Variants in ANO3 observed in about 807,000 individuals in gnomAD.
ANO3 encodes anoctamin-3.
In ANO3, 99 loss-of-function variants were observed where a neutral mutation model predicts 144.8. That is an observed-to-expected ratio of 0.68 (90% CI 0.58 to 0.81). The LOEUF (loss-of-function observed/expected upper bound fraction) is 0.81, where lower values mean the gene tolerates loss of function less well. Among genes scored for constraint, ANO3 ranks in the 30% least tolerant of loss-of-function variants. The pLI, the probability that ANO3 is intolerant of heterozygous loss-of-function variation, is 0.00. For synonymous variants in ANO3, 414 were observed against 392.6 expected, an observed-to-expected ratio of 1.05 and a Z score of -0.64; for missense variants, 905 against 1,202.2, an observed-to-expected ratio of 0.75 and a Z score of 3.66.
chr11:26,331,995 C>G, upstream of ANO3: 1 of 814,626 alleles, frequency 1.2e-6, no homozygotes, highest in Non-Finnish European at 1.8e-6. Context: ...CAACCCCGCT[C>G]AACGCCCACC....
chr11:26,259,534 G>A (rs1349902563), intron 1 of ANO3, among the ~76,000 whole-genome samples: 1 of 136,602 alleles, frequency 7.3e-6, no homozygotes, highest in Non-Finnish European at 1.5e-5. Context: ...TGTAGTCCCA[G>A]CTACTTGGGA....
intron 1 of ANO3, among the ~76,000 whole-genome samples, chr11:26,279,995 G>C (rs1338625632): frequency 6.6e-6 from 1 of 152,142 alleles, no homozygotes; most frequent in Non-Finnish European, 1.5e-5. Flanking sequence ...GATGATGCTT[G>C]TGAGTTTTCT....
intron 1 of ANO3, among the ~76,000 whole-genome samples, chr11:26,202,125 T>C (rs1022777248): frequency 6.6e-6 from 1 of 150,512 alleles, no homozygotes; most frequent in African/African-American, 2.4e-5. Flanking sequence ...AGGGTAGGAC[T>C]GTCATATACT....
At chr11:26,352,684 T>C (rs1590284649) in intron 1 of ANO3, among the ~76,000 whole-genome samples, 1 of 152,366 alleles carries the variant, frequency 6.6e-6, no homozygotes, top group African/African-American at 2.4e-5. Context: ...GATTGTATGT[T>C]TCTTTACCAT....
At chr11:26,563,093 G>A (rs1163102214) in intron 14 of ANO3, 2 of 1,609,192 alleles carry the variant, frequency 1.2e-6, no homozygotes, top group East Asian at 2.2e-5. Context: ...GTGCCCAGGT[G>A]AAGTATTGAA....
At chr11:26,283,888 A>G (rs1295678611) in intron 1 of ANO3, among the ~76,000 whole-genome samples, 1 of 152,190 alleles carries the variant, frequency 6.6e-6, no homozygotes, top group Non-Finnish European at 1.5e-5. Context: ...CCAAATTTAG[A>G]TAGAGAAAAC....
At chr11:26,325,287 C>T (rs923759844) in intron 1 of ANO3, among the ~76,000 whole-genome samples, 1 of 151,994 alleles carries the variant, frequency 6.6e-6, no homozygotes, top group Non-Finnish European at 1.5e-5. Flanking sequence ...TATATCCTAG[C>T]TGAATTTTGC....
intron 3 of ANO3, among the ~76,000 whole-genome samples, chr11:26,452,588 C>G (rs1399204250): frequency 2.0e-5 from 3 of 152,074 alleles, no homozygotes; most frequent in Admixed American, 2.0e-4. Flanking sequence ...TGTGAAAAGA[C>G]CAAATCTACA....
intron 1 of ANO3, among the ~76,000 whole-genome samples, chr11:26,381,138 A>G (rs1049041352): frequency 6.6e-6 from 1 of 152,180 alleles, no homozygotes; most frequent in Non-Finnish European, 1.5e-5. Flanking sequence ...CCAAAGCCTA[A>G]TATGTTACAG....
intron 1 of ANO3, among the ~76,000 whole-genome samples, chr11:26,408,681 T>G (rs1267077077): frequency 6.6e-6 from 1 of 150,630 alleles, no homozygotes; most frequent in Non-Finnish European, 1.5e-5. Flanking sequence ...CACACGTATG[T>G]TTATTGTGGC....
At chr11:26,505,618 G>A (rs117950359) in intron 4 of ANO3, among the ~76,000 whole-genome samples, 13,423 of 152,158 alleles carry the variant, frequency 0.088, 824 homozygotes, top group Admixed American at 0.14. Context: ...TATACTGGGA[G>A]TCAAAGGAAA....
chr11:26,659,233 A>G (rs1014872953), intron 26 of ANO3, among the ~76,000 whole-genome samples: 10 of 152,140 alleles, frequency 6.6e-5, no homozygotes, highest in Non-Finnish European at 1.5e-4. Flanking sequence ...CACTTTAGGG[A>G]TATAACACAG....
intron 1 of ANO3, among the ~76,000 whole-genome samples, chr11:26,420,088 T>C (rs57378086): frequency 0.055 from 8,429 of 152,130 alleles, 280 homozygotes; most frequent in African/African-American, 0.091. Context: ...TACCTTGATA[T>C]ATTGTAATCG....
At chr11:26,533,781 C>T (rs1305679248) in intron 8 of ANO3, among the ~76,000 whole-genome samples, 1 of 152,162 alleles carries the variant, frequency 6.6e-6, no homozygotes, top group Non-Finnish European at 1.5e-5. Context: ...AAGCAACTAT[C>T]CTAGAAGACC....
chr11:26,515,972 G>A (rs933587979), intron 5 of ANO3, among the ~76,000 whole-genome samples: 18 of 151,890 alleles, frequency 1.2e-4, no homozygotes, highest in Admixed American at 3.3e-4. Context: ...AAGCAGGGTC[G>A]AATATGAACA....
intron 1 of ANO3, among the ~76,000 whole-genome samples, chr11:26,423,367 T>C (rs1857813959): frequency 6.8e-6 from 1 of 148,124 alleles, no homozygotes; most frequent in Admixed American, 6.9e-5. Flanking sequence ...ATAAGCACTA[T>C]TTTACAACCA....
intron 3 of ANO3, among the ~76,000 whole-genome samples, chr11:26,453,507 A>T (rs1163619519): frequency 6.6e-6 from 1 of 152,164 alleles, no homozygotes; most frequent in Non-Finnish European, 1.5e-5. Context: ...TGGTAAAGAG[A>T]TCAATTCAAC....
chr11:26,223,506 C>T (rs986857534), intron 1 of ANO3, among the ~76,000 whole-genome samples: 14 of 151,480 alleles, frequency 9.2e-5, no homozygotes, highest in African/African-American at 3.4e-4. Flanking sequence ...ACCTGTTACT[C>T]AGTTCCAAAG....
At chr11:26,329,904 C>A (rs1215013643), upstream of ANO3, among the ~76,000 whole-genome samples, 1 of 151,934 alleles carries the variant, frequency 6.6e-6, no homozygotes, top group Non-Finnish European at 1.5e-5. Flanking sequence ...GCTCCGCCTC[C>A]CGGGTTCAAG....
Sources: gnomAD v4.1 joint callset for allele counts (sites outside exome capture counted in the v4.1 genomes callset) on GRCh38, gnomAD v4.1.1 for gene constraint, MANE v1.5 for transcripts, NCBI Gene and HGNC (gene_info 2026-07-23, HGNC 2026-07-21) for gene names.